MTHFD2L: variants seen among roughly 807,000 people sequenced by gnomAD.
The protein encoded by MTHFD2L is methylenetetrahydrofolate dehydrogenase (NADP+ dependent) 2 like.
In MTHFD2L, 29 loss-of-function variants were observed where a neutral mutation model predicts 34.9. The ratio of observed to expected loss-of-function variants is 0.83; its 90% CI spans 0.62 to 1.13. The LOEUF is 1.13. MTHFD2L is among the 50% of genes most tolerant of loss of function. MTHFD2L has a pLI of 0.00. For missense variants in MTHFD2L, 481 were observed against 446.5 expected, an observed-to-expected ratio of 1.08 and a Z score of -0.70; for synonymous variants, 167 against 155.7, an observed-to-expected ratio of 1.07 and a Z score of -0.54.
chr4:74,138,278 T>C (rs1227792375), intron 1 of MTHFD2L, among the ~76,000 whole-genome samples: 1 of 152,158 alleles, frequency 6.6e-6, no homozygotes, highest in South Asian at 2.1e-4. Flanking sequence ...AATATTCCAG[T>C]CTTCTCTGTC....
In MTHFD2L at chr4:74,137,411, A is replaced by G. The variant is rs139265998; in HGVS notation, c.-297+11894A>G. On this transcript the variant is annotated intron_variant, in intron 1 of 7. Coordinates refer to the MTHFD2L transcript ENST00000433372. ...CAGAGAAATGCAAATTAAAACCACA[A>G]TGAGATATCATCCCATCCCAGTTAA... Among the ~76,000 whole-genome samples the G allele has an allele frequency of 3.8e-4, 58 of 152,290 alleles. No individual in the cohort carries two copies. The East Asian group carries it at 0.011, about 28-fold the overall frequency.
At chr4:74,299,066 A>AT (rs976914123) in intron 7 of MTHFD2L, among the ~76,000 whole-genome samples, 5 of 151,908 alleles carry the variant, frequency 3.3e-5, no homozygotes, top group African/African-American at 7.2e-5. Flanking sequence ...GGTTTTTACT[A>AT]TTTTTTTCAT....
chr4:74,164,193 T>G (rs1330040584), intron 1 of MTHFD2L, among the ~76,000 whole-genome samples: 1 of 152,162 alleles, frequency 6.6e-6, no homozygotes, highest in African/African-American at 2.4e-5. Context: ...TTCAACATTA[T>G]AGAGATAAAA....
chr4:74,216,395 T>C (rs579866), intron 5 of MTHFD2L, among the ~76,000 whole-genome samples: 142,105 of 151,662 alleles, frequency 0.94, 67,160 homozygotes, highest in Non-Finnish European at 0.99. Flanking sequence ...GAAGTAGAAC[T>C]TGAGTGTCAG....
intron 1 of MTHFD2L, among the ~76,000 whole-genome samples, chr4:74,167,627 G>T (rs1266551149): frequency 6.6e-6 from 1 of 152,204 alleles, no homozygotes; most frequent in Non-Finnish European, 1.5e-5. Context: ...CAATGTGTGG[G>T]ACAGACTTGG....
At chr4:74,133,593 A>T (rs552357207) in intron 1 of MTHFD2L, among the ~76,000 whole-genome samples, 1 of 152,108 alleles carries the variant, frequency 6.6e-6, no homozygotes, top group African/African-American at 2.4e-5. Context: ...CCATTCTGTT[A>T]TTGAGATCCT....
chr4:74,137,747 C>T (rs1287687365), intron 1 of MTHFD2L, among the ~76,000 whole-genome samples: 4 of 152,100 alleles, frequency 2.6e-5, no homozygotes, highest in Non-Finnish European at 5.9e-5. Context: ...AAACGTGGTA[C>T]ATATACACAA....
At chr4:74,244,031 C>T (rs1742077716) in intron 6 of MTHFD2L, among the ~76,000 whole-genome samples, 1 of 152,108 alleles carries the variant, frequency 6.6e-6, no homozygotes, top group Admixed American at 6.6e-5. Flanking sequence ...TAAGGTTGGG[C>T]CTGTGGGAGA....
At chr4:74,223,178 A>T (rs942599335) in intron 5 of MTHFD2L, among the ~76,000 whole-genome samples, 16 of 151,998 alleles carry the variant, frequency 1.1e-4, no homozygotes, top group African/African-American at 3.1e-4. Flanking sequence ...AAATCAACCT[A>T]AATGCCCATT....
intron 6 of MTHFD2L, among the ~76,000 whole-genome samples, chr4:74,266,233 G>A (rs1057363655): frequency 1.3e-5 from 2 of 152,124 alleles, no homozygotes; most frequent in Non-Finnish European, 2.9e-5. Flanking sequence ...CATGGTAGGG[G>A]CATTTAGTTT....
intron 3 of MTHFD2L, among the ~76,000 whole-genome samples, chr4:74,176,662 A>G (rs887397974): frequency 6.6e-6 from 1 of 152,058 alleles, no homozygotes; most frequent in African/African-American, 2.4e-5. Flanking sequence ...TGTGGACTAA[A>G]GAGCTAGCAG....
chr4:74,290,704 G>A (rs1000850733), intron 7 of MTHFD2L, among the ~76,000 whole-genome samples: 1 of 151,742 alleles, frequency 6.6e-6, no homozygotes, highest in South Asian at 2.1e-4. Context: ...CCATTCCCAC[G>A]AAAGTATTAA....
chr4:74,219,149 C>A (rs1271351535), intron 5 of MTHFD2L, among the ~76,000 whole-genome samples: 1 of 152,046 alleles, frequency 6.6e-6, no homozygotes, highest in Admixed American at 6.6e-5. Context: ...GAAACTCGAG[C>A]ATTTGTGGAT....
chr4:74,211,625 G>A (rs986701624), intron 5 of MTHFD2L, among the ~76,000 whole-genome samples: 4 of 152,176 alleles, frequency 2.6e-5, no homozygotes, highest in Admixed American at 2.6e-4. Flanking sequence ...TGTTAATCAG[G>A]GATGTTGGCC....
At chr4:74,169,726 T>C (rs1005396927) in intron 1 of MTHFD2L, among the ~76,000 whole-genome samples, 4 of 152,318 alleles carry the variant, frequency 2.6e-5, no homozygotes, top group Admixed American at 6.5e-5. Context: ...ATATAAAAGA[T>C]CCTTGTTATC....
At chr4:74,179,262 T>C (rs777408253) in intron 3 of MTHFD2L, among the ~76,000 whole-genome samples, 2 of 152,072 alleles carry the variant, frequency 1.3e-5, no homozygotes, top group Non-Finnish European at 2.9e-5. Flanking sequence ...AGCACATATA[T>C]TTCAAACATT....
intron 1 of MTHFD2L, among the ~76,000 whole-genome samples, chr4:74,141,629 C>A (rs1031909952): frequency 4.6e-5 from 7 of 152,218 alleles, no homozygotes; most frequent in Non-Finnish European, 8.8e-5. Flanking sequence ...TCTGGCTCTA[C>A]TCTCTTGTCA....
chr4:74,159,072 T>G (rs1724840117), intron 1 of MTHFD2L, among the ~76,000 whole-genome samples: 1 of 152,248 alleles, frequency 6.6e-6, no homozygotes, highest in South Asian at 2.1e-4. Context: ...CTCGAGTTTT[T>G]GTATCCGCCA....
chr4:74,221,488 T>C (rs949492407), intron 5 of MTHFD2L, among the ~76,000 whole-genome samples: 8 of 151,838 alleles, frequency 5.3e-5, no homozygotes, highest in Admixed American at 3.9e-4. Context: ...TTTATTTGAA[T>C]CACTCTTTTA....
Sources: gnomAD v4.1 joint callset for allele counts (sites outside exome capture counted in the v4.1 genomes callset) on GRCh38, gnomAD v4.1.1 for gene constraint, MANE v1.5 for transcripts, NCBI Gene and HGNC (gene_info 2026-07-23, HGNC 2026-07-21) for gene names.